SBF2: variants seen among roughly 807,000 people sequenced by gnomAD.
SBF2 encodes myotubularin-related protein 13.
A neutral mutation model predicts 225.2 loss-of-function variants in SBF2; 112 were observed. The observed-to-expected ratio is 0.50, with a 90% CI of 0.43 to 0.58. The LOEUF (loss-of-function observed/expected upper bound fraction) is 0.58. Among genes scored for constraint, SBF2 ranks in the 20% least tolerant of loss-of-function variants. The pLI is 0.00. For synonymous variants in SBF2, 763 were observed against 773.3 expected, an observed-to-expected ratio of 0.99 and a Z score of 0.22; for missense variants, 1,996 against 2,206.2, an observed-to-expected ratio of 0.90 and a Z score of 1.91.
chr11:9,848,875 G>A (rs1856731613), intron 22 of SBF2, among the ~76,000 whole-genome samples: 1 of 152,186 alleles, frequency 6.6e-6, no homozygotes, highest in African/African-American at 2.4e-5. Flanking sequence ...TTTTATGACT[G>A]ATGTACTAAG....
At chr11:10,191,642 T>C (rs376175534) in intron 2 of SBF2, among the ~76,000 whole-genome samples, 8 of 152,108 alleles carry the variant, frequency 5.3e-5, no homozygotes, top group African/African-American at 1.9e-4. Context: ...TCTAGGAAAA[T>C]CTTAGGGAGG....
intron 33 of SBF2, among the ~76,000 whole-genome samples, chr11:9,794,702 A>AAAAG (rs1852998415): frequency 1.3e-5 from 2 of 148,834 alleles, no homozygotes; most frequent in African/African-American, 4.9e-5. Flanking sequence ...AAAAAAAAAA[A>AAAAG]AAAAAGACCA....
intron 2 of SBF2, among the ~76,000 whole-genome samples, chr11:10,169,006 A>T (rs1012201087): frequency 4.5e-4 from 69 of 152,172 alleles, no homozygotes; most frequent in Admixed American, 5.2e-4. Context: ...TAATTGGAGA[A>T]AAATACTGAA....
At chr11:10,020,893 C>T (rs563022401) in intron 6 of SBF2, among the ~76,000 whole-genome samples, 3 of 151,720 alleles carry the variant, frequency 2.0e-5, no homozygotes, top group African/African-American at 7.2e-5. Context: ...ACAAACTGAA[C>T]AAAAACTTTT....
chr11:9,880,056 C>T (rs1181996951), intron 17 of SBF2, among the ~76,000 whole-genome samples: 1 of 127,348 alleles, frequency 7.9e-6, no homozygotes, highest in East Asian at 2.3e-4. Flanking sequence ...TGCACTCCAG[C>T]CTGGACAATG....
intron 36 of SBF2, 82 bp downstream of exon 36, chr11:9,787,552 G>T: frequency 1.7e-6 from 2 of 1,199,586 alleles, no homozygotes; most frequent in Non-Finnish European, 2.5e-6. Flanking sequence ...GCTGGGTCTT[G>T]TCACCTGTGG....
chr11:10,207,162 A>G (rs911108339), intron 1 of SBF2, among the ~76,000 whole-genome samples: 1 of 152,150 alleles, frequency 6.6e-6, no homozygotes, highest in African/African-American at 2.4e-5. Flanking sequence ...ATCAGAAACC[A>G]TGAAGGACAG....
At chr11:9,868,999 C>T (rs186913033) in intron 17 of SBF2, among the ~76,000 whole-genome samples, 44 of 152,300 alleles carry the variant, frequency 2.9e-4, no homozygotes, top group African/African-American at 1.0e-3. Flanking sequence ...CTAATTCTAG[C>T]ATTACTTCCT....
At position 10,002,652 on chromosome 11, in the gene SBF2, G is replaced by A. The variant is rs1948020686; in HGVS notation, c.657C>T (p.Leu219=). 2 of 1,613,154 alleles carry A rather than the reference G, an allele frequency of 1.2e-6. No homozygotes were observed. The highest frequency in any genetic ancestry group is 1.3e-5 in the African/African-American group (1 of 74,908). The change falls in exon 7 of 40, where the codon CTC becomes CTT. Residue 219 remains leucine (L), a synonymous_variant. Transcript: ENST00000256190. ...QNVLSLFCAV[L]TENKVLFHSA... is the part of the protein sequence containing the mutation. The stretch of plus-strand genomic sequence containing the variant: ...AATGGAAGAGAACCTTATTTTCTGT[G>A]AGGACTGCACAAAAGAGGCTGAGGA...
intron 17 of SBF2, among the ~76,000 whole-genome samples, chr11:9,875,950 A>T (rs1226806103): frequency 1.4e-5 from 2 of 141,084 alleles, no homozygotes; most frequent in Non-Finnish European, 3.0e-5. Flanking sequence ...GTTAGAATAA[A>T]CCTCAGAGAT....
intron 1 of SBF2, among the ~76,000 whole-genome samples, chr11:10,225,047 G>A (rs1477528957): frequency 6.6e-6 from 1 of 152,024 alleles, no homozygotes; most frequent in East Asian, 1.9e-4. Context: ...GGAGATAGAG[G>A]GGTATGAGGA....
intron 1 of SBF2, among the ~76,000 whole-genome samples, chr11:10,196,234 C>T (rs1202084015): frequency 6.6e-6 from 1 of 152,168 alleles, no homozygotes; most frequent in African/African-American, 2.4e-5. Flanking sequence ...TTCATTGGTA[C>T]TGACTGAAAT....
intron 17 of SBF2, among the ~76,000 whole-genome samples, chr11:9,866,441 G>C (rs1225625174): frequency 6.6e-6 from 1 of 152,148 alleles, no homozygotes; most frequent in Admixed American, 6.5e-5. Context: ...ATAGCCAACT[G>C]ATTTTCCACA....
At position 10,096,424 on chromosome 11, in the gene SBF2, T is replaced by TA. The variant is rs563258126; in HGVS notation, c.142-53444dup. ...ATTAGCCTTATAAGTCAAAGTTCTGTAAAAAAAAAAAAAAAAAAGTAATGA... is the reference window on the plus strand; with the variant it reads ...ATTAGCCTTATAAGTCAAAGTTCTGTAAAAAAAAAAAAAAAAAAAGTAATGA... On this transcript the variant is annotated intron_variant, in intron 2 of 39. Transcript: ENST00000256190. Among the ~76,000 whole-genome samples the TA allele has an allele frequency of 4.7e-3, 595 of 126,030 alleles. 5 individuals are homozygous for TA. Among genetic ancestry groups the TA allele is most frequent in the East Asian group, 0.02 (92 of 4,546 alleles). 82.7% of individuals were successfully genotyped at this position (126,030 alleles called of 152,430 possible).
intron 21 of SBF2, among the ~76,000 whole-genome samples, chr11:9,851,565 A>G (rs1271816765): frequency 2.6e-5 from 4 of 152,220 alleles, no homozygotes; most frequent in Non-Finnish European, 4.4e-5. Context: ...CTAGGAAAAA[A>G]AAATCTCTCC....
intron 28 of SBF2, 82 bp from the exon 29 acceptor site, chr11:9,817,106 G>T: frequency 1.4e-6 from 2 of 1,480,628 alleles, no homozygotes; most frequent in Non-Finnish European, 1.9e-6. Context: ...ATGCTCTGGA[G>T]CTACAGTTTT....
At chr11:9,842,826 T>C (rs750013211) in intron 24 of SBF2, 56 bp from the exon 25 acceptor site, 2 of 1,563,928 alleles carry the variant, frequency 1.3e-6, no homozygotes, top group Non-Finnish European at 1.8e-6. Flanking sequence ...ACTACTTGTA[T>C]TGTTGACACC....
chr11:10,224,726 C>T (rs1380588051), intron 1 of SBF2, among the ~76,000 whole-genome samples: 1 of 152,106 alleles, frequency 6.6e-6, no homozygotes, highest in Non-Finnish European at 1.5e-5. Flanking sequence ...CTTCAGAGTA[C>T]CTACCCTGAC....
intron 16 of SBF2, among the ~76,000 whole-genome samples, chr11:9,926,325 T>A (rs544003368): frequency 2.6e-5 from 4 of 152,046 alleles, no homozygotes; most frequent in Non-Finnish European, 5.9e-5. Flanking sequence ...ATAAAAAAAA[T>A]TGTCTTTTTT....
Sources: allele counts gnomAD v4.1 joint callset (sites outside exome capture counted in the v4.1 genomes callset), GRCh38; gene constraint gnomAD v4.1.1; transcripts MANE v1.5; gene names NCBI Gene and HGNC (gene_info 2026-07-23, HGNC 2026-07-21).